Variants in ADPRHL1 observed in about 807,000 individuals in gnomAD.
The protein encoded by ADPRHL1 is ADP-ribosylhydrolase like 1.
In ADPRHL1, 43 loss-of-function variants were observed where a neutral mutation model predicts 44.1. The ratio of observed to expected loss-of-function variants is 0.98; its 90% CI spans 0.76 to 1.26. The LOEUF (loss-of-function observed/expected upper bound fraction) is 1.26, where lower values mean the gene tolerates loss of function less well. ADPRHL1 is among the 50% of genes most tolerant of loss of function. The probability of loss-of-function intolerance (pLI) is 0.00; values close to 1 mark genes in which losing one functional copy is unlikely to be tolerated. For missense variants in ADPRHL1, 2,022 were observed against 2,496.9 expected (o/e 0.81, Z 4.05); for synonymous variants, 878 against 1,017.4 (o/e 0.86, Z 2.61).
intron 1 of ADPRHL1, chr13:113,448,987 A>G (rs1454262788): frequency 7.1e-6 from 7 of 983,472 alleles, no homozygotes; most frequent in African/African-American, 1.7e-5. Context: ...CAGGCCTGGC[A>G]CACACACACA....
intron 3 of ADPRHL1, 137 bp downstream of exon 3, chr13:113,433,605 G>T: frequency 2.8e-6 from 4 of 1,408,798 alleles, no homozygotes; most frequent in Non-Finnish European, 3.8e-6. Flanking sequence ...GTCAGCTTCT[G>T]TCTCCTTTAA....
At chr13:113,424,175 T>C (rs747324118) in intron 6 of ADPRHL1, 42 bp downstream of exon 6, 1 of 1,609,192 alleles carries the variant, frequency 6.2e-7, no homozygotes, top group East Asian at 2.2e-5. Flanking sequence ...AGAAGAAGGG[T>C]GCTACCCTCC....
At chr13:113,412,474 A>G (rs991050819) in intron 7 of ADPRHL1, among the ~76,000 whole-genome samples, 11 of 152,218 alleles carry the variant, frequency 7.2e-5, no homozygotes, top group East Asian at 5.8e-4. Flanking sequence ...CACCGCGCCC[A>G]GCCACAGCTC....
At chr13:113,439,696 C>T (rs1178702030) in intron 2 of ADPRHL1, among the ~76,000 whole-genome samples, 1 of 152,132 alleles carries the variant, frequency 6.6e-6, no homozygotes, top group Non-Finnish European at 1.5e-5. Context: ...GATCTACCCG[C>T]CTTGGCCTCC....
At chr13:113,427,876 C>T (rs1298960022) in intron 4 of ADPRHL1, among the ~76,000 whole-genome samples, 2 of 130,762 alleles carry the variant, frequency 1.5e-5, no homozygotes, top group South Asian at 2.7e-4. Context: ...CCTGCACCCC[C>T]GTGGAAAGCT....
chr13:113,412,229 C>G (rs1385181595), intron 7 of ADPRHL1, among the ~76,000 whole-genome samples: 10 of 152,140 alleles, frequency 6.6e-5, no homozygotes, highest in East Asian at 1.9e-4. Flanking sequence ...CCAGGCTGGA[C>G]TGCAGTGGCG....
At position 113,403,539 on chromosome 13, in the gene ADPRHL1, C is replaced by G. The variant is rs1391779026; in HGVS notation, c.5743G>C (p.Ala1915Pro). 1.1e-5 allele frequency: 14 copies of G among 1,231,982 alleles called. No homozygotes were observed. In the East Asian group the frequency reaches 4.1e-4, roughly 36 times the overall value. 76.3% of individuals were successfully genotyped at this position (1,231,982 alleles called of 1,614,324 possible). A position where few individuals can be genotyped will look rare whatever the true frequency, so the allele number is the denominator to read the frequency against. ...GATGCCTCCATCCTGTCCTGCAGGG[C>G]CCTCTCAGCCCCAGGGTGGTCTGGG... is the stretch of plus-strand genomic sequence containing the variant. ...GSPDHPGAERALQDRMEASEP... is the reference protein window; with the variant it reads ...GSPDHPGAERPLQDRMEASEP... Residue 1915 changes from alanine to proline, a missense_variant, in exon 8 of 8, where the codon GCC (alanine) becomes CCC (proline). By Grantham distance (27) the Ala-to-Pro change is conservative. Coordinates refer to ENST00000612156, the MANE Select transcript of ADPRHL1 (RefSeq NM_001394807.1).
At position 113,404,668 on chromosome 13, in the gene ADPRHL1, T is replaced by C. The variant is rs1292885768; in HGVS notation, c.4614A>G (p.Lys1538=). 7.7e-7 allele frequency: 1 copy of C among 1,298,064 alleles called. No individual in the cohort carries two copies. Among genetic ancestry groups the C allele is most frequent in the Non-Finnish European group, 9.7e-7 (1 of 1,029,840 alleles). 80.4% of individuals were successfully genotyped at this position (1,298,064 alleles called of 1,614,324 possible). A position where few individuals can be genotyped will look rare whatever the true frequency, so the allele number is the denominator to read the frequency against. ...TQGHSQGQAQ[K]QFQNWAQGQA... ...GTCCCTGGGCCCAATTCTGAAACTG[T>C]TTCTGGGCCTGTCCCTGACTGTGTC... is the stretch of plus-strand genomic sequence containing the variant. Residue 1538 remains lysine (K), a synonymous_variant, in exon 8 of 8, where the codon AAA becomes AAG. Transcript: ENST00000612156.
Position 113,406,295 on chromosome 13 carries a change from G to A in ADPRHL1, c.2987C>T (p.Ser996Leu). The A allele has an allele frequency of 8.1e-7, 1 of 1,232,090 alleles. No individual in the cohort carries two copies. The highest frequency in any genetic ancestry group is 1.0e-6 in the Non-Finnish European group (1 of 987,974). The allele number at this position is 1,232,090 out of a possible 1,614,324, so 76.3% of individuals were successfully genotyped here. The change falls in exon 8 of 8, where the codon TCA (serine) becomes TTA (leucine). Residue 996 changes from serine to leucine, a missense_variant. Coordinates refer to ENST00000612156, the MANE Select transcript of ADPRHL1 (RefSeq NM_001394807.1). ...KHPLPESNEI[S>L]MQKKGSATND... ...TGTTGCGGAGCCCTTCTTCTGCATT[G>A]ATATTTCATTAGATTCCGGCAACGG...
chr13:113,441,855 T>C lies in ADPRHL1; in HGVS notation c.379+2570A>G, dbSNP rs1206546057. 1.3e-5 allele frequency among the ~76,000 whole-genome samples: 2 copies of C among 151,658 alleles called. No homozygotes were observed. Among genetic ancestry groups the C allele is most frequent in the Non-Finnish European group, 2.9e-5 (2 of 67,922 alleles). ...GTCACGTTGTGTCCCGCCGCGTGGG[T>C]CCGTGTCACTATCACACTCTGTCCC... is the stretch of plus-strand genomic sequence containing the variant. On this transcript the variant is annotated intron_variant, in intron 2 of 7. Transcript: ENST00000612156. The surrounding 1 kb of genome is among the most constrained non-coding windows in gnomAD (Gnocchi z 6.0).
In ADPRHL1 at chr13:113,406,422, C is replaced by G. The variant is rs2043809071; in HGVS notation, c.2860G>C (p.Gly954Arg). Residue 954 changes from glycine (G) to arginine (R), a missense_variant, in exon 8 of 8, where the codon GGC becomes CGC. Physicochemically the swap from Gly to Arg is moderately radical, Grantham distance 125 (BLOSUM62 -2). Around this residue, in one of 8 missense-constraint regions of ADPRHL1, gnomAD observed 1,221 missense variants for 1,517.8 expected, o/e 0.80. Transcript: ENST00000612156. ...AAGCTGCCTTTGTTTTCCTTCCCGC[C>G]AGCAGGATCTGTCTGGAGTCTCTGT... ...LTQRLQTDPAGGKENKGSFEN... is the reference protein window; with the variant it reads ...LTQRLQTDPARGKENKGSFEN... 8.1e-7 allele frequency: 1 copy of G among 1,231,976 alleles called. No individual in the cohort carries two copies. Among genetic ancestry groups the G allele is most frequent in the African/African-American group, 1.6e-5 (1 of 64,426 alleles). 76.3% of individuals were successfully genotyped at this position (1,231,976 alleles called of 1,614,324 possible).
rs1164502926 is a variant in ADPRHL1 at position 113,426,558 on chromosome 13, C to T, written c.647-1379G>A. Among the ~76,000 whole-genome samples the T allele has an allele frequency of 2.6e-5, 4 of 152,254 alleles. No homozygotes were observed. The East Asian group carries it at 7.7e-4, about 29-fold the overall frequency. On this transcript the variant is annotated intron_variant, in intron 4 of 7. Coordinates refer to ENST00000612156, the MANE Select transcript of ADPRHL1 (RefSeq NM_001394807.1). Reference sequence around the variant, plus strand: ...ACAGGGAGGCCAGGAGAGCCCTGGACCAGGACCTGGACGAGGCTCACAGGC... The same window carrying T: ...ACAGGGAGGCCAGGAGAGCCCTGGATCAGGACCTGGACGAGGCTCACAGGC...
chr13:113,414,262 C>T (rs1253653098), intron 7 of ADPRHL1, among the ~76,000 whole-genome samples: 1 of 152,264 alleles, frequency 6.6e-6, no homozygotes, highest in Non-Finnish European at 1.5e-5. Context: ...CCACATGTTT[C>T]TGACAGGGAC....
chr13:113,416,091 A>G (rs1595540715), intron 7 of ADPRHL1, among the ~76,000 whole-genome samples: 1 of 151,638 alleles, frequency 6.6e-6, no homozygotes, highest in African/African-American at 2.4e-5. Context: ...GCTTCTGAGC[A>G]TCATTGCAAC....
intron 7 of ADPRHL1, among the ~76,000 whole-genome samples, chr13:113,408,894 AAAGATGGGGCTACTGAAAGGAG>A (rs2043829660): frequency 3.6e-5 from 2 of 55,654 alleles, no homozygotes; most frequent in South Asian, 8.7e-4. Context: ...GAGAGGAGGG[AAAGATGGGGCTACTGAAAGGAG>A]GGGAGGAGCG....
rs574169882 is a variant in ADPRHL1, at chr13:113,449,340, G to T, written c.214+3884C>A. ...GTCAGAGAGGCTCACCCGGAAGGAG[G>T]GAGCCCTGTTCAGAGAGACACACCC... is the stretch of plus-strand genomic sequence containing the variant. On this transcript the variant is annotated intron_variant, in intron 1 of 7. Coordinates refer to ENST00000612156, the MANE Select transcript of ADPRHL1 (RefSeq NM_001394807.1). 2.0e-5 allele frequency: 10 copies of T among 495,424 alleles called. No individual in the cohort carries two copies. In the South Asian group the frequency reaches 7.8e-4, roughly 39 times the overall value. 30.7% of individuals were successfully genotyped at this position (495,424 alleles called of 1,614,324 possible).
Position 113,429,018 on chromosome 13 carries a change from T to C in ADPRHL1, c.580A>G (p.Arg194Gly), listed in dbSNP as rs764812133. 2 of 1,612,728 alleles carry C rather than the reference T, an allele frequency of 1.2e-6. No homozygotes were observed. Among genetic ancestry groups the C allele is most frequent in the Admixed American group, 1.7e-5 (1 of 59,994 alleles). The change falls in exon 4 of 8, where the codon AGA (arginine) becomes GGA (glycine). Residue 194 changes from arginine (R) to glycine (G), a missense_variant. Coordinates refer to ENST00000612156, the MANE Select transcript of ADPRHL1 (RefSeq NM_001394807.1). Reference protein sequence around the residue: ...AQGKPLVQWGRDMLRAVPLAE... With the variant: ...AQGKPLVQWGGDMLRAVPLAE... ...AGAGGCACCGCCCGCAGCATGTCTCTCCCCCACTGGACCAGGGGCTTTCCT... is the reference window on the plus strand; with the variant it reads ...AGAGGCACCGCCCGCAGCATGTCTCCCCCCCACTGGACCAGGGGCTTTCCT...
At chr13:113,428,555 GC>G (rs1416720994) in intron 4 of ADPRHL1, among the ~76,000 whole-genome samples, 1 of 152,236 alleles carries the variant, frequency 6.6e-6, no homozygotes, top group Non-Finnish European at 1.5e-5. Context: ...TGAGGGAAGG[GC>G]CCAGCCCTGA....
In ADPRHL1 at chr13:113,407,515, C is replaced by T. The variant is rs1595536446; in HGVS notation, c.1767G>A (p.Glu589=). 1.6e-6 allele frequency: 2 copies of T among 1,232,230 alleles called. No individual in the cohort carries two copies. The highest frequency in any genetic ancestry group is 6.3e-5 in the East Asian group (2 of 31,704). 76.3% of individuals were successfully genotyped at this position (1,232,230 alleles called of 1,614,324 possible). ...NLQRKRMHRP[E]VRVLHTATMA... ...TGGTGGCCGTGTGCAGCACGCGCAC[C>T]TCCGGCCGGTGCATCCTCTTCCTCT... The change falls in exon 8 of 8, where the codon GAG becomes GAA. Residue 589 remains glutamate, a synonymous_variant. Coordinates refer to ENST00000612156, the MANE Select transcript of ADPRHL1 (RefSeq NM_001394807.1).
Sources: gnomAD v4.1 joint callset for allele counts (sites outside exome capture counted in the v4.1 genomes callset) on GRCh38, gnomAD v4.1.1 for gene constraint, gnomAD v4.1.1 regional missense constraint, Gnocchi (gnomAD v3.1) non-coding constraint, MANE v1.5 for transcripts, NCBI Gene and HGNC (gene_info 2026-07-23, HGNC 2026-07-21) for gene names.